SLX4IP: variants seen among roughly 807,000 people sequenced by gnomAD.
SLX4IP encodes the protein protein SLX4IP.
SLX4IP carries 34 observed loss-of-function variants against 32.9 expected under a neutral mutation model. The ratio of observed to expected loss-of-function variants is 1.03; its 90% confidence interval spans 0.79 to 1.38. The LOEUF is 1.38. Ranked by LOEUF, SLX4IP falls within the 40% of genes most tolerant of loss-of-function variation. The probability of loss-of-function intolerance (pLI) is 0.00; values close to 1 mark genes in which losing one functional copy is unlikely to be tolerated. For missense variants in SLX4IP, 444 were observed against 479.0 expected (o/e 0.93, Z 0.68); for synonymous variants, 172 against 171.7 (o/e 1.00, Z -0.01).
intron 2 of SLX4IP, among the ~76,000 whole-genome samples, chr20:10,488,219 G>A (rs1220527472): frequency 3.3e-5 from 5 of 152,190 alleles, no homozygotes; most frequent in African/African-American, 1.2e-4. Context: ...AGAGGTAAAT[G>A]AGGTCACTAG....
intron 2 of SLX4IP, among the ~76,000 whole-genome samples, chr20:10,518,230 T>C (rs1467606797): frequency 1.3e-5 from 2 of 152,228 alleles, no homozygotes; most frequent in Non-Finnish European, 2.9e-5. Flanking sequence ...GAAGATATAC[T>C]TGCTAACTTT....
chr20:10,500,130 CTTTTTTTTT>C (rs34751503), intron 2 of SLX4IP, among the ~76,000 whole-genome samples: 1 of 90,074 alleles, frequency 1.1e-5, no homozygotes, highest in South Asian at 4.4e-4. Context: ...TGTCAAAATT[CTTTTTTTTT>C]TTTTTTTTTT....
At chr20:10,460,570 G>A (rs1396162075) in intron 2 of SLX4IP, among the ~76,000 whole-genome samples, 1 of 152,190 alleles carries the variant, frequency 6.6e-6, no homozygotes, top group Non-Finnish European at 1.5e-5. Context: ...CATCTACCCC[G>A]GTGGCTGAGT....
At chr20:10,514,068 A>G (rs538451699) in intron 2 of SLX4IP, among the ~76,000 whole-genome samples, 8 of 152,318 alleles carry the variant, frequency 5.3e-5, no homozygotes, top group African/African-American at 1.9e-4. Context: ...TTTCCAAAGC[A>G]GTGACCCTAA....
chr20:10,455,549 A>G (rs2065277631), intron 1 of SLX4IP, among the ~76,000 whole-genome samples: 1 of 151,980 alleles, frequency 6.6e-6, no homozygotes, highest in African/African-American at 2.4e-5. Flanking sequence ...ATCTATTTCT[A>G]TCAATTTTAT....
chr20:10,538,740 T>C (rs1727214770), intron 2 of SLX4IP, among the ~76,000 whole-genome samples: 2 of 152,226 alleles, frequency 1.3e-5, no homozygotes, highest in African/African-American at 4.8e-5. Context: ...TTGGCCAGGC[T>C]GGTCTCGAAC....
intron 2 of SLX4IP, among the ~76,000 whole-genome samples, chr20:10,489,800 T>C (rs2065605871): frequency 6.6e-6 from 1 of 152,214 alleles, no homozygotes; most frequent in Non-Finnish European, 1.5e-5. Flanking sequence ...ATGAGGACAG[T>C]TTCTCTGAAT....
In SLX4IP at chr20:10,622,822, G is replaced by A; in HGVS notation, c.670G>A (p.Asp224Asn). The A allele has an allele frequency of 6.2e-7, 1 of 1,614,132 alleles. No homozygotes were observed. Among genetic ancestry groups the A allele is most frequent in the African/African-American group, 1.3e-5 (1 of 75,018 alleles). ...PPSESMGQAK[D>N]SIKAAESHWG... The stretch of plus-strand genomic sequence containing the variant: ...ATCAGAATCCATGGGACAAGCAAAG[G>A]ATTCCATAAAGGCAGCTGAGAGCCA... Residue 224 changes from aspartate (D) to asparagine (N), a missense_variant, in exon 8 of 8, where the codon GAT (aspartate) becomes AAT (asparagine). Physicochemically the swap from Asp to Asn is conservative, Grantham distance 23. Transcript: ENST00000334534.
intron 2 of SLX4IP, among the ~76,000 whole-genome samples, chr20:10,532,652 G>T (rs1187559784): frequency 6.6e-6 from 1 of 152,040 alleles, no homozygotes. Context: ...ATAGGGGTTC[G>T]TATTCTTTTA....
intron 2 of SLX4IP, among the ~76,000 whole-genome samples, chr20:10,506,655 A>ACGG (rs2065762474): frequency 6.6e-6 from 1 of 152,226 alleles, no homozygotes; most frequent in Non-Finnish European, 1.5e-5. Context: ...CAGTGAACAA[A>ACGG]ACAAATGCAC....
intron 2 of SLX4IP, among the ~76,000 whole-genome samples, chr20:10,472,137 CTTAT>C (rs2065429304): frequency 6.6e-6 from 1 of 151,488 alleles, no homozygotes. Flanking sequence ...GTGTAGTTTT[CTTAT>C]TTGTTTATTA....
intron 2 of SLX4IP, among the ~76,000 whole-genome samples, chr20:10,537,614 A>T (rs1189602168): frequency 6.6e-6 from 1 of 152,208 alleles, no homozygotes; most frequent in African/African-American, 2.4e-5. Flanking sequence ...GATCAGTTTG[A>T]TATTTACAGT....
rs954543197 is a variant in SLX4IP at position 10,559,185 on chromosome 20, G to A, written c.118-1515G>A. ...GCCTTTTTGTTGTGTGAACAATGCC[G>A]AAACACTCAACTGTAAAGGGATATC... is the stretch of plus-strand genomic sequence containing the variant. On this transcript the variant is annotated intron_variant, in intron 3 of 7. Transcript: ENST00000334534. Among the ~76,000 whole-genome samples the A allele has an allele frequency of 5.9e-5, 9 of 151,900 alleles. 1 individual carries two copies. Among genetic ancestry groups the A allele is most frequent in the South Asian group, 2.1e-4 (1 of 4,816 alleles).
At chr20:10,505,792 G>A (rs1051641640) in intron 2 of SLX4IP, among the ~76,000 whole-genome samples, 7 of 151,440 alleles carry the variant, frequency 4.6e-5, no homozygotes, top group Admixed American at 1.3e-4. Context: ...ATATAACCGA[G>A]TTGTATTACA....
chr20:10,533,551 C>G (rs2066008440), intron 2 of SLX4IP, among the ~76,000 whole-genome samples: 1 of 150,982 alleles, frequency 6.6e-6, no homozygotes, highest in South Asian at 2.1e-4. Flanking sequence ...CTCCTGACCG[C>G]AGGTGATCCG....
At chr20:10,547,295 CT>C (rs1325153375) in intron 2 of SLX4IP, among the ~76,000 whole-genome samples, 2 of 152,178 alleles carry the variant, frequency 1.3e-5, no homozygotes, top group Non-Finnish European at 2.9e-5. Context: ...GTGTTTTTAT[CT>C]TTGTAGAATC....
chr20:10,451,440 G>T (rs969341835), intron 1 of SLX4IP, among the ~76,000 whole-genome samples: 9 of 152,052 alleles, frequency 5.9e-5, no homozygotes, highest in Non-Finnish European at 1.2e-4. Context: ...GATTACAGGT[G>T]TGAACCACCG....
chr20:10,452,750 C>G (rs2065253813), intron 1 of SLX4IP, among the ~76,000 whole-genome samples: 1 of 150,328 alleles, frequency 6.7e-6, no homozygotes, highest in Non-Finnish European at 1.5e-5. Context: ...ACTTAGGAGG[C>G]TGAGGCAGGA....
intron 2 of SLX4IP, among the ~76,000 whole-genome samples, chr20:10,461,953 A>G (rs1270553644): frequency 6.6e-6 from 1 of 151,968 alleles, no homozygotes; most frequent in Non-Finnish European, 1.5e-5. Context: ...AATTTTTTTT[A>G]TTTTTAAATT....
Sources: gnomAD v4.1 joint callset for allele counts (sites outside exome capture counted in the v4.1 genomes callset) on GRCh38, gnomAD v4.1.1 for gene constraint, MANE v1.5 for transcripts, NCBI Gene and HGNC (gene_info 2026-07-23, HGNC 2026-07-21) for gene names.